The following PLCXD2 variants were observed in gnomAD, a reference collection of about 807,000 sequenced individuals.
The protein encoded by PLCXD2 is PI-PLC X domain-containing protein 2.
A neutral mutation model predicts 28.6 loss-of-function variants in PLCXD2; 21 were observed. The observed-to-expected ratio is 0.73, with a 90% CI of 0.52 to 1.06. The LOEUF (loss-of-function observed/expected upper bound fraction) is 1.06, where lower values mean the gene tolerates loss of function less well. PLCXD2 is among the 50% of genes least tolerant of loss of function. PLCXD2 has a pLI of 0.00. For synonymous variants in PLCXD2, 140 were observed against 150.1 expected (o/e 0.93, Z 0.49); for missense variants, 369 against 376.7 (o/e 0.98, Z 0.17).
intron 3 of PLCXD2, chr3:111,724,610 C>CTT (rs1941391392): frequency 6.6e-6 from 1 of 152,118 alleles, no homozygotes; most frequent in Non-Finnish European, 1.5e-5. Context: ...TAGCACAATG[C>CTT]TAAAGGTGGA....
At chr3:111,714,970 G>A (rs1321699479) in intron 3 of PLCXD2, among the ~76,000 whole-genome samples, 2 of 152,182 alleles carry the variant, frequency 1.3e-5, no homozygotes, top group African/African-American at 2.4e-5. Context: ...CTGAGTTTCA[G>A]GTTGACGAGC....
At chr3:111,705,115 T>G (rs1228934843) in intron 1 of PLCXD2, among the ~76,000 whole-genome samples, 1 of 152,094 alleles carries the variant, frequency 6.6e-6, no homozygotes, top group African/African-American at 2.4e-5. Context: ...CCACGCCTGG[T>G]CCTAGCATAA....
At chr3:111,684,559 C>T (rs1218625357) in intron 1 of PLCXD2, among the ~76,000 whole-genome samples, 1 of 151,546 alleles carries the variant, frequency 6.6e-6, no homozygotes, top group Non-Finnish European at 1.5e-5. Flanking sequence ...GAGACTGAGG[C>T]AGGAGAATCA....
chr3:111,725,657 C>T, intron 3 of PLCXD2: 1 of 398,568 alleles, frequency 2.5e-6, no homozygotes, highest in Non-Finnish European at 4.4e-6. Context: ...AAAATTCTTT[C>T]TACCCTGCAG....
intron 1 of PLCXD2, chr3:111,692,391 G>A (rs1384750150): frequency 1.3e-5 from 2 of 152,396 alleles, no homozygotes; most frequent in East Asian, 3.8e-4. Flanking sequence ...TCCAGGGGCA[G>A]AGGAAAGGGG....
intron 3 of PLCXD2, chr3:111,724,156 A>G (rs9854875): frequency 0.67 from 101,138 of 152,034 alleles, 33,744 homozygotes; most frequent in Middle Eastern, 0.73. Flanking sequence ...AGAGGTCGAG[A>G]TGGACTTAAT....
At chr3:111,694,179 C>CTTCA (rs1940928122) in intron 1 of PLCXD2, among the ~76,000 whole-genome samples, 1 of 152,192 alleles carries the variant, frequency 6.6e-6, no homozygotes, top group Non-Finnish European at 1.5e-5. Flanking sequence ...CCTCCTCAGC[C>CTTCA]TTCACTCCCA....
At chr3:111,721,532 G>C (rs148894074) in intron 3 of PLCXD2, 1 of 152,162 alleles carries the variant, frequency 6.6e-6, no homozygotes, top group Non-Finnish European at 1.5e-5. Flanking sequence ...ACTACCCTTA[G>C]TATCAGAAAC....
rs567118031 is a variant in PLCXD2 at position 111,705,804 on chromosome 3, T to TTTG, written c.164-2113_164-2111dup. ...TATGTTTGTTTACTATTTATATGGT[T>TTTG]TTGTTGTTGTTCGTTTGTTTGCTTG... On this transcript the variant is annotated intron_variant, in intron 1 of 4. Transcript: ENST00000477665. Among the ~76,000 whole-genome samples, 42 of 152,272 alleles carry TTTG rather than the reference T, an allele frequency of 2.8e-4. No individual in the cohort carries two copies. In the East Asian group the frequency reaches 7.5e-3, roughly 27 times the overall value.
At chr3:111,679,072 A>G (rs1440368527) in intron 1 of PLCXD2, among the ~76,000 whole-genome samples, 1 of 150,172 alleles carries the variant, frequency 6.7e-6, no homozygotes, top group African/African-American at 2.4e-5. Context: ...TTCATCATAC[A>G]TAGTTTTTTT....
At chr3:111,689,104 T>C (rs1216502365) in intron 1 of PLCXD2, among the ~76,000 whole-genome samples, 1 of 152,132 alleles carries the variant, frequency 6.6e-6, no homozygotes, top group Non-Finnish European at 1.5e-5. Context: ...TGCTGGGACC[T>C]GGAAAGGGAA....
chr3:111,713,800 T>G, intron 2 of PLCXD2, 87 bp from the exon 3 acceptor site: 6 of 1,430,352 alleles, frequency 4.2e-6, no homozygotes, highest in Non-Finnish European at 5.7e-6. Flanking sequence ...TTTTCTTGCC[T>G]TTTTCCTAGC....
intron 3 of PLCXD2, chr3:111,725,591 A>T (rs1345630457): frequency 1.5e-5 from 6 of 398,408 alleles, no homozygotes; most frequent in Non-Finnish European, 2.2e-5. Flanking sequence ...ACACCACAAA[A>T]TGCGATTGAT....
chr3:111,714,760 G>A (rs558599166), intron 3 of PLCXD2, among the ~76,000 whole-genome samples: 1 of 152,280 alleles, frequency 6.6e-6, no homozygotes, highest in Non-Finnish European at 1.5e-5. Flanking sequence ...ATTTGTATGC[G>A]TGTTTGTGTG....
intron 1 of PLCXD2, among the ~76,000 whole-genome samples, chr3:111,701,416 G>A (rs551735276): frequency 6.6e-6 from 1 of 152,242 alleles, no homozygotes; most frequent in South Asian, 2.1e-4. Flanking sequence ...GTCCAGAAAG[G>A]GGCCTGCCTA....
chr3:111,722,925 G>A (rs1294885534), intron 3 of PLCXD2: 2 of 151,844 alleles, frequency 1.3e-5, no homozygotes, highest in Non-Finnish European at 1.5e-5. Flanking sequence ...TCCTTTTTTT[G>A]CATTTGAACC....
At position 111,692,032 on chromosome 3, in the gene PLCXD2, T is replaced by C. The variant is rs138755424; in HGVS notation, c.164-15894T>C. Among the ~76,000 whole-genome samples the C allele has an allele frequency of 1.4e-4, 22 of 152,318 alleles. No individual in the cohort carries two copies. In the East Asian group the frequency reaches 4.2e-3, roughly 29 times the overall value. ...AAAAACACTGGGGAGATAAACTGAA[T>C]GTCTTCAGGTTCCTTTTTTATTTTT... On this transcript the variant is annotated intron_variant, in intron 1 of 4. Coordinates refer to ENST00000477665, the MANE Select transcript of PLCXD2 (RefSeq NM_001185106.1).
chr3:111,686,660 G>A (rs1230041189), intron 1 of PLCXD2, among the ~76,000 whole-genome samples: 1 of 152,150 alleles, frequency 6.6e-6, no homozygotes, highest in Non-Finnish European at 1.5e-5. Context: ...TTAATATGGA[G>A]TCAAGCTCTC....
chr3:111,675,033 A>G lies in PLCXD2; in HGVS notation c.-213A>G. On this transcript the variant is annotated 5_prime_UTR_variant, in exon 1 of 5. Coordinates refer to ENST00000477665, the MANE Select transcript of PLCXD2 (RefSeq NM_001185106.1). Reference sequence around the variant, plus strand: ...TAACGGAGCTGGGACTGAGCAGATTAAGGGAGTGGAGCGGAGGCTGGGCCG... The same window carrying G: ...TAACGGAGCTGGGACTGAGCAGATTGAGGGAGTGGAGCGGAGGCTGGGCCG... 1.7e-6 allele frequency: 1 copy of G among 581,286 alleles called. No individual in the cohort carries two copies. The allele number at this position is 581,286 out of a possible 1,614,324, so 36.0% of individuals were successfully genotyped here. A position where few individuals can be genotyped will look rare whatever the true frequency, so the allele number is the denominator to read the frequency against.
Sources: gnomAD v4.1 joint callset for allele counts (sites outside exome capture counted in the v4.1 genomes callset) on GRCh38, gnomAD v4.1.1 for gene constraint, MANE v1.5 for transcripts, NCBI Gene and HGNC (gene_info 2026-07-23, HGNC 2026-07-21) for gene names.